Variants in DISC1 observed in about 807,000 individuals in gnomAD.
DISC1 encodes DISC1 scaffold protein, also known as disrupted in schizophrenia 1 protein.
DISC1 carries 57 observed loss-of-function variants against 84.5 expected under a neutral mutation model. The observed-to-expected ratio is 0.67, with a 90% CI of 0.55 to 0.84. The LOEUF is 0.84. DISC1 is among the 40% of genes least tolerant of loss of function. The pLI is 0.00. For missense variants in DISC1, 1,000 were observed against 1,057.8 expected (o/e 0.95, Z 0.76); for synonymous variants, 411 against 415.2 (o/e 0.99, Z 0.12).
At chr1:231,763,362 A>ATT (rs1308803552) in intron 4 of DISC1, among the ~76,000 whole-genome samples, 2 of 152,026 alleles carry the variant, frequency 1.3e-5, no homozygotes, top group East Asian at 3.9e-4. Flanking sequence ...TACGTTCTTG[A>ATT]TTCATAGTAC....
chr1:231,947,718 G>A (rs1380302710), intron 9 of DISC1, among the ~76,000 whole-genome samples: 1 of 151,994 alleles, frequency 6.6e-6, no homozygotes, highest in Non-Finnish European at 1.5e-5. Flanking sequence ...TCTGACAAAG[G>A]GCTAATATTC....
chr1:231,738,004 T>C (rs1338544469), intron 3 of DISC1, among the ~76,000 whole-genome samples: 1 of 152,164 alleles, frequency 6.6e-6, no homozygotes, highest in African/African-American at 2.4e-5. Context: ...ACTACAGGCA[T>C]GTGCCACTGC....
intron 3 of DISC1, chr1:231,724,013 A>G: frequency 1.0e-6 from 1 of 985,276 alleles, no homozygotes; most frequent in Non-Finnish European, 1.2e-6. Context: ...AATGCAGCCC[A>G]CTCTGATATT....
intron 9 of DISC1, among the ~76,000 whole-genome samples, chr1:231,844,769 C>CA (rs1003253876): frequency 2.7e-5 from 4 of 150,718 alleles, no homozygotes; most frequent in Non-Finnish European, 5.9e-5. Flanking sequence ...ACTAAAAATA[C>CA]AAAAAAAATT....
At chr1:231,779,886 G>T (rs1274451689) in intron 6 of DISC1, among the ~76,000 whole-genome samples, 1 of 152,004 alleles carries the variant, frequency 6.6e-6, no homozygotes, top group African/African-American at 2.4e-5. Context: ...GTAAATTCCT[G>T]TCTTACCTGT....
chr1:231,878,746 C>A (rs1450146900), intron 9 of DISC1, among the ~76,000 whole-genome samples: 1 of 152,122 alleles, frequency 6.6e-6, no homozygotes, highest in Non-Finnish European at 1.5e-5. Flanking sequence ...ACAAGCAGAA[C>A]ATTATTAACC....
intron 4 of DISC1, among the ~76,000 whole-genome samples, chr1:231,757,436 G>A (rs2075256483): frequency 6.6e-6 from 1 of 152,084 alleles, no homozygotes; most frequent in South Asian, 2.1e-4. Flanking sequence ...TTGTCACTTT[G>A]TTCTTAAAAA....
At chr1:231,863,951 CCTTTG>C (rs2084865750) in intron 9 of DISC1, among the ~76,000 whole-genome samples, 2 of 152,106 alleles carry the variant, frequency 1.3e-5, no homozygotes, top group African/African-American at 4.8e-5. Context: ...AGAAAAATGC[CCTTTG>C]CTCTTGCACT....
chr1:231,809,523 T>TA (rs1491410470), intron 8 of DISC1, among the ~76,000 whole-genome samples: 11 of 78,124 alleles, frequency 1.4e-4, no homozygotes, highest in East Asian at 7.7e-4. Flanking sequence ...CTTTTTTTTT[T>TA]GAAAAAAAAA....
intron 3 of DISC1, among the ~76,000 whole-genome samples, chr1:231,709,114 C>A (rs1262288474): frequency 6.6e-6 from 1 of 152,188 alleles, no homozygotes; most frequent in Non-Finnish European, 1.5e-5. Context: ...GTCTTAGCTT[C>A]TCTTCCTGTT....
At chr1:231,937,919 T>C (rs2091082679) in intron 9 of DISC1, among the ~76,000 whole-genome samples, 1 of 152,132 alleles carries the variant, frequency 6.6e-6, no homozygotes, top group Non-Finnish European at 1.5e-5. Flanking sequence ...TCTGATCCAG[T>C]TGATGGCTTT....
At chr1:231,856,590 C>A (rs1386581927) in intron 9 of DISC1, among the ~76,000 whole-genome samples, 1 of 152,206 alleles carries the variant, frequency 6.6e-6, no homozygotes, top group Non-Finnish European at 1.5e-5. Context: ...TAGTTGAAAA[C>A]CTGCCCCTGC....
intron 10 of DISC1, among the ~76,000 whole-genome samples, chr1:231,969,680 A>G (rs1271361873): frequency 6.7e-6 from 1 of 149,706 alleles, no homozygotes; most frequent in Non-Finnish European, 1.5e-5. Context: ...TACCAGTGCC[A>G]TGTTGGTGTG....
chr1:231,955,676 G>C (rs577561293), intron 9 of DISC1, among the ~76,000 whole-genome samples: 1 of 151,938 alleles, frequency 6.6e-6, no homozygotes, highest in Non-Finnish European at 1.5e-5. Flanking sequence ...TTTTAGTAGA[G>C]ACGGGGTTTC....
chr1:231,883,326 C>T (rs77550686), intron 9 of DISC1, among the ~76,000 whole-genome samples: 5,784 of 152,100 alleles, frequency 0.038, 125 homozygotes, highest in East Asian at 0.067. Context: ...AAAACCCAAC[C>T]CTCCCCCCAG....
chr1:231,962,946 C>G (rs1660584444), intron 10 of DISC1, among the ~76,000 whole-genome samples: 1 of 152,176 alleles, frequency 6.6e-6, no homozygotes, highest in African/African-American at 2.4e-5. Context: ...CACAAGCCTG[C>G]CTACCTTTAT....
intron 12 of DISC1, among the ~76,000 whole-genome samples, chr1:232,028,131 T>C (rs1350515158): frequency 6.6e-6 from 1 of 152,176 alleles, no homozygotes; most frequent in Non-Finnish European, 1.5e-5. Flanking sequence ...AAGGATGGCG[T>C]TTTTATTTAT....
intron 4 of DISC1, 29 bp downstream of exon 4, chr1:231,750,105 C>G (rs1208483600): frequency 2.5e-6 from 4 of 1,603,266 alleles, no homozygotes; most frequent in Admixed American, 1.7e-5. Context: ...CACCATTTTC[C>G]CCTCATGTTT....
chr1:231,687,046 A>G (rs544105220), intron 1 of DISC1, among the ~76,000 whole-genome samples: 20 of 152,256 alleles, frequency 1.3e-4, no homozygotes, highest in Admixed American at 1.1e-3. Flanking sequence ...TATTGTTCCT[A>G]TCACTATCAG....
Sources: gnomAD v4.1 joint callset for allele counts (sites outside exome capture counted in the v4.1 genomes callset) on GRCh38, gnomAD v4.1.1 for gene constraint, MANE v1.5 for transcripts, NCBI Gene and HGNC (gene_info 2026-07-23, HGNC 2026-07-21) for gene names.